MECOM: variants seen among roughly 807,000 people sequenced by gnomAD.
MECOM encodes the protein MDS1 and EVI1 complex locus, also known as histone-lysine N-methyltransferase MECOM.
MECOM carries 13 observed loss-of-function variants against 116.3 expected under a neutral mutation model. The ratio of observed to expected loss-of-function variants is 0.11; its 90% CI spans 0.07 to 0.18. The LOEUF is 0.18. Among genes scored for constraint, MECOM ranks in the 10% least tolerant of loss-of-function variants. The pLI, the probability that MECOM is intolerant of heterozygous loss-of-function variation, is 1.00. For synonymous variants in MECOM, 528 were observed against 535.2 expected (o/e 0.99, Z 0.19); for missense variants, 1,299 against 1,509.0 (o/e 0.86, Z 2.31).
chr3:169,464,631 T>C (rs1318228405), intron 1 of MECOM, among the ~76,000 whole-genome samples: 1 of 152,152 alleles, frequency 6.6e-6, no homozygotes, highest in Non-Finnish European at 1.5e-5. Context: ...AACTGATGGA[T>C]TACTGTATAT....
At chr3:169,286,689 G>A (rs1008196740) in intron 2 of MECOM, among the ~76,000 whole-genome samples, 1 of 152,178 alleles carries the variant, frequency 6.6e-6, no homozygotes, top group Non-Finnish European at 1.5e-5. Flanking sequence ...GTATTAGGTT[G>A]TGTTGTTATA....
intron 1 of MECOM, among the ~76,000 whole-genome samples, chr3:169,551,513 T>C (rs959103124): frequency 6.6e-6 from 1 of 152,212 alleles, no homozygotes; most frequent in Non-Finnish European, 1.5e-5. Flanking sequence ...TGTGAACAAC[T>C]GAGAGTCTTT....
At chr3:169,493,972 G>A (rs1024438482) in intron 1 of MECOM, among the ~76,000 whole-genome samples, 1 of 152,046 alleles carries the variant, frequency 6.6e-6, no homozygotes, top group East Asian at 1.9e-4. Context: ...AACCTTAAAC[G>A]GTAGGAAAGA....
chr3:169,523,333 C>T (rs1314574417), intron 1 of MECOM, among the ~76,000 whole-genome samples: 1 of 152,118 alleles, frequency 6.6e-6, no homozygotes, highest in Non-Finnish European at 1.5e-5. Context: ...GATTTTACAA[C>T]CTGGTTCTGC....
chr3:169,433,700 A>AG (rs1267926319), intron 1 of MECOM, among the ~76,000 whole-genome samples: 5 of 141,646 alleles, frequency 3.5e-5, no homozygotes, highest in South Asian at 2.3e-4. Context: ...AGAAAGAAAG[A>AG]AAAGAAAGAA....
chr3:169,454,908 A>G (rs901033562), intron 1 of MECOM, among the ~76,000 whole-genome samples: 1 of 152,214 alleles, frequency 6.6e-6, no homozygotes, highest in Admixed American at 6.5e-5. Flanking sequence ...TGGCTGCTTT[A>G]TAAATATTTA....
Position 169,580,899 on chromosome 3 carries a change from C to T in MECOM, c.37+82437G>A, listed in dbSNP as rs557079329. ...AGAGGCTTCCTTGACATTTACCCCACGTGATACTGGAAATATCTGTTCATC... is the reference window on the plus strand; with the variant it reads ...AGAGGCTTCCTTGACATTTACCCCATGTGATACTGGAAATATCTGTTCATC... On this transcript the variant is annotated intron_variant, in intron 1 of 16. Coordinates refer to ENST00000651503, the MANE Select transcript of MECOM (RefSeq NM_004991.4). Among the ~76,000 whole-genome samples, 16 of 152,280 alleles carry T rather than the reference C, an allele frequency of 1.1e-4. No homozygotes were observed. The East Asian group carries it at 2.7e-3, about 26-fold the overall frequency.
intron 1 of MECOM, among the ~76,000 whole-genome samples, chr3:169,384,998 G>A (rs1733072747): frequency 6.6e-6 from 1 of 151,644 alleles, no homozygotes; most frequent in Non-Finnish European, 1.5e-5. Flanking sequence ...CAGCCATTCT[G>A]GAGGCTGAGG....
chr3:169,401,626 G>A (rs1181488044), intron 1 of MECOM, among the ~76,000 whole-genome samples: 1 of 152,182 alleles, frequency 6.6e-6, no homozygotes, highest in East Asian at 1.9e-4. Context: ...AGGGAAGGCT[G>A]TCAAGAAGTG....
chr3:169,607,630 C>G (rs1330931759), intron 1 of MECOM, among the ~76,000 whole-genome samples: 1 of 152,198 alleles, frequency 6.6e-6, no homozygotes, highest in Non-Finnish European at 1.5e-5. Context: ...TGGCATGGAA[C>G]AATCTAAAAC....
chr3:169,465,465 CT>C (rs1237261098), intron 1 of MECOM, among the ~76,000 whole-genome samples: 5 of 152,014 alleles, frequency 3.3e-5, no homozygotes, highest in African/African-American at 1.2e-4. Context: ...AAATAAAAAC[CT>C]TAAAGACAGC....
In MECOM at chr3:169,096,437, A is replaced by AT. The variant is rs1445739194; in HGVS notation, c.2850-1193dup. On this transcript the variant is annotated intron_variant, in intron 12 of 16. Transcript: ENST00000651503. ...AGGCACGTGTCACCATGCTCGGCTA[A>AT]TTTTTGTATTTTTGTAGAGACAGAG... 3.3e-5 allele frequency among the ~76,000 whole-genome samples: 5 copies of AT among 151,942 alleles called. No homozygotes were observed. In the East Asian group the frequency reaches 9.7e-4, roughly 30 times the overall value.
At chr3:169,261,242 A>G (rs1241785632) in intron 2 of MECOM, among the ~76,000 whole-genome samples, 1 of 152,208 alleles carries the variant, frequency 6.6e-6, no homozygotes, top group Non-Finnish European at 1.5e-5. Flanking sequence ...TAATACATCT[A>G]AATTATTTTT....
At chr3:169,480,705 A>G (rs1751158445) in intron 1 of MECOM, among the ~76,000 whole-genome samples, 1 of 152,100 alleles carries the variant, frequency 6.6e-6, no homozygotes, top group Non-Finnish European at 1.5e-5. Flanking sequence ...TTTGTTCTTC[A>G]AAAAGGAGAT....
At chr3:169,615,599 A>G (rs1769900718) in intron 1 of MECOM, among the ~76,000 whole-genome samples, 2 of 152,232 alleles carry the variant, frequency 1.3e-5, no homozygotes, top group Non-Finnish European at 2.9e-5. Context: ...AGATGGACCT[A>G]CTTCATACCA....
intron 2 of MECOM, among the ~76,000 whole-genome samples, chr3:169,183,966 G>A (rs796989426): frequency 3.3e-5 from 5 of 151,646 alleles, no homozygotes; most frequent in Admixed American, 1.3e-4. Flanking sequence ...CCGGGTTCAC[G>A]CCATTCTCCT....
intron 2 of MECOM, among the ~76,000 whole-genome samples, chr3:169,150,685 G>T (rs1398850704): frequency 6.6e-6 from 1 of 152,174 alleles, no homozygotes; most frequent in Non-Finnish European, 1.5e-5. Flanking sequence ...AAGAGAACCA[G>T]ATTTTAAAAA....
intron 10 of MECOM, among the ~76,000 whole-genome samples, chr3:169,104,203 T>A (rs1030019161): frequency 1.4e-4 from 21 of 152,320 alleles, no homozygotes; most frequent in Non-Finnish European, 2.5e-4. Context: ...GGCAGAGATA[T>A]GGAATGATGC....
At chr3:169,463,853 CTATCA>C (rs1747845758) in intron 1 of MECOM, 1 of 152,060 alleles carries the variant, frequency 6.6e-6, no homozygotes, top group Admixed American at 6.6e-5. Flanking sequence ...GTGCAGATGC[CTATCA>C]TATTTTTATC....
Sources: gnomAD v4.1 joint callset for allele counts (sites outside exome capture counted in the v4.1 genomes callset) on GRCh38, gnomAD v4.1.1 for gene constraint, MANE v1.5 for transcripts, NCBI Gene and HGNC (gene_info 2026-07-23, HGNC 2026-07-21) for gene names.